Variants in DCAF6 observed in about 807,000 individuals in gnomAD.
DCAF6 encodes the protein DDB1 and CUL4 associated factor 6, also known as DDB1- and CUL4-associated factor 6.
A neutral mutation model predicts 125.1 loss-of-function variants in DCAF6; 54 were observed. The observed-to-expected ratio is 0.43, with a 90% confidence interval of 0.35 to 0.54. The LOEUF (loss-of-function observed/expected upper bound fraction) is 0.54. Ranked by LOEUF, DCAF6 falls within the 20% of genes least tolerant of loss-of-function variation. The pLI is 0.01. For synonymous variants in DCAF6, 371 were observed against 390.4 expected (o/e 0.95, Z 0.58); for missense variants, 934 against 1,161.7 (o/e 0.80, Z 2.85).
chr1:168,046,692 A>G (rs1015181016), intron 16 of DCAF6, among the ~76,000 whole-genome samples: 2 of 152,104 alleles, frequency 1.3e-5, no homozygotes, highest in African/African-American at 4.8e-5. Flanking sequence ...TGTCATTACC[A>G]CTTAATTTAT....
intron 1 of DCAF6, among the ~76,000 whole-genome samples, chr1:167,949,958 T>C (rs529821905): frequency 2.0e-5 from 3 of 152,310 alleles, no homozygotes; most frequent in South Asian, 2.1e-4. Flanking sequence ...TGCAATAAAT[T>C]TTATCTCCAA....
At chr1:168,011,111 ATTTTTTT>A (rs370763073) in intron 10 of DCAF6, among the ~76,000 whole-genome samples, 1 of 110,360 alleles carries the variant, frequency 9.1e-6, no homozygotes, top group Admixed American at 9.9e-5. Context: ...GACCATCAGA[ATTTTTTT>A]TTTTTTTTTT....
the DCAF6 span, among the ~76,000 whole-genome samples, chr1:167,906,847 A>C: frequency 6.6e-6 from 1 of 152,118 alleles, no homozygotes; most frequent in Non-Finnish European, 1.5e-5. Flanking sequence ...GTCGAGAATG[A>C]AAGACTTACA....
chr1:167,878,432 T>A, the DCAF6 span: 1 of 1,612,550 alleles, frequency 6.2e-7, no homozygotes, highest in Admixed American at 1.7e-5. Context: ...TCAAAATTAA[T>A]GCTCCACACT....
At chr1:167,883,394 C>T in the DCAF6 span, 2 of 1,602,972 alleles carry the variant, frequency 1.2e-6, no homozygotes, top group East Asian at 2.2e-5. Flanking sequence ...TGAATGCTAA[C>T]CTAAAACTAT....
intron 13 of DCAF6, 74 bp downstream of exon 13, chr1:168,038,562 C>A: frequency 9.4e-7 from 1 of 1,061,788 alleles, no homozygotes; most frequent in South Asian, 1.5e-5. Flanking sequence ...TTTAACACTT[C>A]GTCATCTTTA....
the DCAF6 span, among the ~76,000 whole-genome samples, chr1:167,913,374 C>G: frequency 6.6e-6 from 1 of 152,128 alleles, no homozygotes; most frequent in South Asian, 2.1e-4. Context: ...AACTTTTCAC[C>G]TACATGTAAA....
chr1:167,971,807 G>A (rs1308111938), intron 3 of DCAF6, among the ~76,000 whole-genome samples: 1 of 152,102 alleles, frequency 6.6e-6, no homozygotes, highest in Non-Finnish European at 1.5e-5. Context: ...TTGATCCAAG[G>A]AAAGCACAAC....
At chr1:167,898,947 C>A in the DCAF6 span, among the ~76,000 whole-genome samples, 1 of 152,150 alleles carries the variant, frequency 6.6e-6, no homozygotes, top group Non-Finnish European at 1.5e-5. Context: ...ATGTTTTCTA[C>A]TAGGCAGAGC....
intron 2 of DCAF6, among the ~76,000 whole-genome samples, chr1:167,965,787 A>G (rs961304813): frequency 2.0e-5 from 3 of 152,026 alleles, no homozygotes; most frequent in African/African-American, 7.2e-5. Context: ...GGCGCATGCC[A>G]CCATGGCCGG....
chr1:168,029,979 CA>C (rs34555735), intron 12 of DCAF6, among the ~76,000 whole-genome samples: 127 of 121,698 alleles, frequency 1.0e-3, no homozygotes, highest in Non-Finnish European at 8.9e-4. Context: ...GACTCCGTCT[CA>C]AAAAAAAAAA....
chr1:167,943,427 TTCTC>T (rs1672562880), intron 1 of DCAF6, among the ~76,000 whole-genome samples: 1 of 152,232 alleles, frequency 6.6e-6, no homozygotes, highest in Admixed American at 6.5e-5. Context: ...CATTCTTTGA[TTCTC>T]TCAGCAGTGA....
the DCAF6 span, chr1:167,904,086 T>C: frequency 4.1e-6 from 2 of 486,866 alleles, no homozygotes; most frequent in Non-Finnish European, 7.1e-6. Context: ...CCTCAGCTTT[T>C]TTTTTTTTTT....
At chr1:168,028,309 G>A (rs190936821) in intron 12 of DCAF6, among the ~76,000 whole-genome samples, 265 of 152,150 alleles carry the variant, frequency 1.7e-3, no homozygotes, top group Admixed American at 4.9e-3. Flanking sequence ...ACAGCAAAAA[G>A]AATATGTAAT....
chr1:167,983,961 C>G (rs1679571265), intron 4 of DCAF6, among the ~76,000 whole-genome samples: 1 of 152,128 alleles, frequency 6.6e-6, no homozygotes, highest in African/African-American at 2.4e-5. Context: ...GGGGGAGTCT[C>G]AAACTTGTTT....
intron 20 of DCAF6, 108 bp from the exon 21 acceptor site, chr1:168,068,250 G>A: frequency 1.6e-6 from 1 of 636,932 alleles, no homozygotes; most frequent in Admixed American, 2.5e-5. Context: ...CATAAAGAAT[G>A]AAGTAATTCC....
chr1:167,899,470 G>A, the DCAF6 span: 104 of 1,613,994 alleles, frequency 6.4e-5, no homozygotes, highest in African/African-American at 9.3e-5. Flanking sequence ...ATCATGCTCC[G>A]GTCACAGAGC....
At chr1:167,974,072 T>A (rs1383527931) in intron 3 of DCAF6, among the ~76,000 whole-genome samples, 1 of 152,144 alleles carries the variant, frequency 6.6e-6, no homozygotes, top group Non-Finnish European at 1.5e-5. Flanking sequence ...TTTTTGCCAG[T>A]CTGTTAAGTG....
chr1:167,964,793 T>G (rs1401421832), intron 2 of DCAF6, among the ~76,000 whole-genome samples: 1 of 152,188 alleles, frequency 6.6e-6, no homozygotes, highest in African/African-American at 2.4e-5. Flanking sequence ...ATCCTCAAGG[T>G]CAGAGATTGT....
Sources: allele counts gnomAD v4.1 joint callset (sites outside exome capture counted in the v4.1 genomes callset), GRCh38; gene constraint gnomAD v4.1.1; transcripts MANE v1.5; gene names NCBI Gene and HGNC (gene_info 2026-07-23, HGNC 2026-07-21).